The following FRMD4B variants were observed in gnomAD, a reference collection of about 807,000 sequenced individuals.
FRMD4B encodes FERM domain-containing protein 4B.
In FRMD4B, 74 loss-of-function variants were observed where a neutral mutation model predicts 141.5. The observed-to-expected ratio is 0.52, with a 90% CI of 0.43 to 0.63. The LOEUF (loss-of-function observed/expected upper bound fraction) is 0.63, where lower values mean the gene tolerates loss of function less well. Ranked by LOEUF, FRMD4B falls within the 30% of genes least tolerant of loss-of-function variation. FRMD4B has a pLI of 0.00. For synonymous variants in FRMD4B, 506 were observed against 467.9 expected, an observed-to-expected ratio of 1.08 and a Z score of -1.05; for missense variants, 1,366 against 1,253.4, an observed-to-expected ratio of 1.09 and a Z score of -1.36.
At chr3:69,219,356 T>C (rs1364287101) in intron 9 of FRMD4B, among the ~76,000 whole-genome samples, 1 of 152,142 alleles carries the variant, frequency 6.6e-6, no homozygotes, top group Non-Finnish European at 1.5e-5. Flanking sequence ...GACATTTTGA[T>C]GATCAATTTC....
intron 1 of FRMD4B, among the ~76,000 whole-genome samples, chr3:69,352,380 T>A (rs1286094357): frequency 1.3e-5 from 2 of 152,228 alleles, no homozygotes; most frequent in African/African-American, 4.8e-5. Context: ...TACACTATTA[T>A]GTTGTTACAT....
chr3:69,384,933 A>G (rs569170491), intron 1 of FRMD4B, among the ~76,000 whole-genome samples: 3 of 152,340 alleles, frequency 2.0e-5, no homozygotes, highest in African/African-American at 7.2e-5. Flanking sequence ...GCTATTCCAC[A>G]TCACAGGAAA....
chr3:69,363,105 T>C (rs77804831), intron 1 of FRMD4B, among the ~76,000 whole-genome samples: 2,242 of 152,174 alleles, frequency 0.015, 63 homozygotes, highest in African/African-American at 0.049. Context: ...AGATTAGCAA[T>C]ATCGTAAAAG....
chr3:69,439,641 A>G (rs1242618959), intron 1 of FRMD4B, among the ~76,000 whole-genome samples: 3 of 152,160 alleles, frequency 2.0e-5, no homozygotes, highest in Non-Finnish European at 4.4e-5. Flanking sequence ...TGTGTGGTAG[A>G]ATCTGTGTGT....
intron 5 of FRMD4B, among the ~76,000 whole-genome samples, chr3:69,256,553 C>G (rs2093494232): frequency 6.6e-6 from 1 of 152,202 alleles, no homozygotes; most frequent in Non-Finnish European, 1.5e-5. Flanking sequence ...CTCCTGACTT[C>G]AAGTGATTCG....
At chr3:69,266,515 G>A (rs946290925) in intron 5 of FRMD4B, among the ~76,000 whole-genome samples, 3 of 152,004 alleles carry the variant, frequency 2.0e-5, no homozygotes, top group Non-Finnish European at 2.9e-5. Flanking sequence ...TAGTAGAGAT[G>A]GGGTTTTGCC....
intron 3 of FRMD4B, among the ~76,000 whole-genome samples, chr3:69,303,758 G>A (rs1031448911): frequency 1.3e-5 from 2 of 151,692 alleles, no homozygotes; most frequent in South Asian, 2.1e-4. Flanking sequence ...GGTGAAACCC[G>A]ATTTCTACAA....
chr3:69,178,764 T>C (rs1399315923), intron 21 of FRMD4B, among the ~76,000 whole-genome samples: 4 of 151,554 alleles, frequency 2.6e-5, no homozygotes, highest in Non-Finnish European at 5.9e-5. Context: ...ACTTGGGTTA[T>C]TTAAACTCTG....
At chr3:69,303,938 A>G (rs1197430131) in intron 3 of FRMD4B, among the ~76,000 whole-genome samples, 1 of 152,152 alleles carries the variant, frequency 6.6e-6, no homozygotes, top group East Asian at 1.9e-4. Context: ...CTGTCTCAAA[A>G]CAAAAGCAAA....
chr3:69,476,720 GT>G (rs1333990145), intron 1 of FRMD4B, among the ~76,000 whole-genome samples: 1 of 152,060 alleles, frequency 6.6e-6, no homozygotes. Flanking sequence ...CTTTAAAGTA[GT>G]TTTTTCCAAT....
At chr3:69,335,391 G>A (rs1427152507) in intron 1 of FRMD4B, among the ~76,000 whole-genome samples, 7 of 103,030 alleles carry the variant, frequency 6.8e-5, no homozygotes, top group African/African-American at 2.0e-4. Flanking sequence ...TTTTTTTTCC[G>A]AGACAGAGTC....
At chr3:69,490,038 G>C (rs182466464) in intron 1 of FRMD4B, among the ~76,000 whole-genome samples, 1 of 152,158 alleles carries the variant, frequency 6.6e-6, no homozygotes, top group Non-Finnish European at 1.5e-5. Context: ...GAGATAGAAC[G>C]TGGACGAATG....
intron 10 of FRMD4B, among the ~76,000 whole-genome samples, chr3:69,217,087 A>C (rs1369969473): frequency 6.6e-6 from 1 of 152,176 alleles, no homozygotes; most frequent in Non-Finnish European, 1.5e-5. Flanking sequence ...CCAATTCCTG[A>C]TGTTTATAAA....
At chr3:69,493,342 T>C (rs537116213) in intron 1 of FRMD4B, among the ~76,000 whole-genome samples, 2 of 152,258 alleles carry the variant, frequency 1.3e-5, no homozygotes, top group East Asian at 1.9e-4. Context: ...ATAACGTAAG[T>C]GTATAATCAA....
At chr3:69,432,084 A>C (rs956919961) in intron 2 of FRMD4B, among the ~76,000 whole-genome samples, 3 of 152,216 alleles carry the variant, frequency 2.0e-5, no homozygotes, top group African/African-American at 7.2e-5. Context: ...TATTATAAAA[A>C]AGCAGTGGAA....
At chr3:69,375,123 A>G (rs1680256960) in intron 1 of FRMD4B, among the ~76,000 whole-genome samples, 1 of 147,936 alleles carries the variant, frequency 6.8e-6, no homozygotes, top group Non-Finnish European at 1.5e-5. Flanking sequence ...CATCCATCCA[A>G]CATCCATCCA....
intron 1 of FRMD4B, among the ~76,000 whole-genome samples, chr3:69,462,982 C>T (rs1705728568): frequency 6.6e-6 from 1 of 152,230 alleles, no homozygotes; most frequent in Non-Finnish European, 1.5e-5. Flanking sequence ...CCTCCCTGCT[C>T]ACTCCTTCTT....
Position 69,181,289 on chromosome 3 carries a change from C to T in FRMD4B, c.2461G>A (p.Gly821Ser). 6.2e-7 allele frequency: 1 copy of T among 1,613,888 alleles called. No homozygotes were observed. The highest frequency in any genetic ancestry group is 2.2e-5 in the East Asian group (1 of 44,868). The change falls in exon 21 of 23, where the codon GGT becomes AGT. Residue 821 changes from glycine (G) to serine (S), a missense_variant. By Grantham distance (56) the Gly-to-Ser change is moderately conservative. Coordinates refer to ENST00000398540, the MANE Select transcript of FRMD4B (RefSeq NM_015123.3). ...GTGTCATTCTCATAGACATAACCACCACTGTAATAAAAGTCACACTCTGCA... is the reference window on the plus strand; with the variant it reads ...GTGTCATTCTCATAGACATAACCACTACTGTAATAAAAGTCACACTCTGCA... ...PYAECDFYYS[G>S]GYVYENDTEG... is the part of the protein sequence containing the mutation.
intron 1 of FRMD4B, among the ~76,000 whole-genome samples, chr3:69,503,629 T>C (rs559413708): frequency 1.3e-5 from 2 of 152,224 alleles, no homozygotes; most frequent in Admixed American, 6.5e-5. Flanking sequence ...GCACATGTAT[T>C]CATATGTAAC....
Sources: gnomAD v4.1 joint callset for allele counts (sites outside exome capture counted in the v4.1 genomes callset) on GRCh38, gnomAD v4.1.1 for gene constraint, MANE v1.5 for transcripts, NCBI Gene and HGNC (gene_info 2026-07-23, HGNC 2026-07-21) for gene names.